GCSAML: variants seen among roughly 807,000 people sequenced by gnomAD.
The protein encoded by GCSAML is germinal center-associated signaling and motility-like protein.
Under a neutral mutation model 13.0 loss-of-function variants are expected in GCSAML, and 9 were observed. The observed-to-expected ratio is 0.69, with a 90% confidence interval of 0.42 to 1.21. GCSAML has a LOEUF of 1.21. Among genes scored for constraint, GCSAML ranks in the 50% most tolerant of loss-of-function variants. The probability of loss-of-function intolerance (pLI) is 0.00; values close to 1 mark genes in which losing one functional copy is unlikely to be tolerated. For synonymous variants in GCSAML, 37 were observed against 52.9 expected (o/e 0.70, Z 1.31); for missense variants, 143 against 153.4 (o/e 0.93, Z 0.36).
Position 247,555,127 on chromosome 1 carries a change from A to G in GCSAML, c.30-1280A>G, listed in dbSNP as rs76775180. 1.3e-3 allele frequency among the ~76,000 whole-genome samples: 188 copies of G among 149,760 alleles called. 3 individuals are homozygous for G. The East Asian group carries it at 0.025, about 20-fold the overall frequency. On this transcript the variant is annotated intron_variant, in intron 1 of 4. Coordinates refer to ENST00000366488, the MANE Select transcript of GCSAML (RefSeq NM_145278.5). ...GTAATATTAATGGTGTGGAATTCCAATTAGGTCCCTACTGATGTTAAATAC... is the reference window on the plus strand; with the variant it reads ...GTAATATTAATGGTGTGGAATTCCAGTTAGGTCCCTACTGATGTTAAATAC...
At chr1:247,510,087 C>A (rs1247881668) in intron 1 of GCSAML, among the ~76,000 whole-genome samples, 1 of 151,834 alleles carries the variant, frequency 6.6e-6, no homozygotes, top group Non-Finnish European at 1.5e-5. Context: ...GCAGCAGCTC[C>A]TCCTTGTACC....
chr1:247,563,702 C>A, intron 3 of GCSAML, 63 bp downstream of exon 3: 1 of 903,094 alleles, frequency 1.1e-6, no homozygotes, highest in Non-Finnish European at 1.8e-6. Context: ...ATCCAATTAG[C>A]AGACACTCTT....
intron 1 of GCSAML, among the ~76,000 whole-genome samples, chr1:247,552,840 C>CT (rs1401845330): frequency 4.3e-4 from 58 of 136,222 alleles, no homozygotes; most frequent in African/African-American, 1.9e-3. Context: ...ACTGCAACCT[C>CT]CACCTTCCAG....
chr1:247,565,849 A>G, intron 3 of GCSAML, 82 bp from the exon 4 acceptor site: 1 of 1,123,320 alleles, frequency 8.9e-7, no homozygotes, highest in Non-Finnish European at 1.3e-6. Context: ...TGTTTTTTTC[A>G]CCTTTTCCTT....
rs568852733 is a variant in GCSAML at position 247,531,590 on chromosome 1, C to G, written c.-148+4536C>G. The G allele has an allele frequency of 1.6e-5, 26 of 1,614,184 alleles. No individual in the cohort carries two copies. The South Asian group carries it at 2.7e-4, about 17-fold the overall frequency. ...TTGCCTGCAGAGCCACAGCAGTTCT[C>G]TAATACCATGTGCCGGAGGGCGCTC... On this transcript the variant is annotated intron_variant, in intron 2 of 5. Transcript: ENST00000366489.
chr1:247,545,585 G>A (rs1441727427), upstream of GCSAML, among the ~76,000 whole-genome samples: 1 of 152,200 alleles, frequency 6.6e-6, no homozygotes, highest in African/African-American at 2.4e-5. Context: ...TAACAGGTAT[G>A]AGAGCCCTCA....
chr1:247,542,130 G>A (rs1177202286), intron 2 of GCSAML, among the ~76,000 whole-genome samples: 3 of 152,092 alleles, frequency 2.0e-5, no homozygotes, highest in Non-Finnish European at 2.9e-5. Flanking sequence ...TGCAAGCCAA[G>A]CTGGGCATTG....
At chr1:247,545,379 C>T (rs1402964379), upstream of GCSAML, among the ~76,000 whole-genome samples, 1 of 152,088 alleles carries the variant, frequency 6.6e-6, no homozygotes, top group Non-Finnish European at 1.5e-5. Context: ...CTAGTATTAA[C>T]AATTATAAGC....
chr1:247,515,953 C>G (rs1405614745), intron 1 of GCSAML, among the ~76,000 whole-genome samples: 1 of 152,128 alleles, frequency 6.6e-6, no homozygotes, highest in Non-Finnish European at 1.5e-5. Flanking sequence ...GCTGATAAGA[C>G]TCTTATCTGT....
intron 4 of GCSAML, among the ~76,000 whole-genome samples, chr1:247,572,690 CACTTGAGGAGGCCATCTTTCCCT>C (rs767237601): frequency 6.6e-6 from 1 of 152,222 alleles, no homozygotes; most frequent in Non-Finnish European, 1.5e-5. Context: ...GTCAGCGACC[CACTTGAGGAGGCCATCTTTCCCT>C]TAGCAGTGCT....
intron 1 of GCSAML, among the ~76,000 whole-genome samples, chr1:247,514,602 G>C (rs1224515787): frequency 6.6e-6 from 1 of 152,166 alleles, no homozygotes; most frequent in Non-Finnish European, 1.5e-5. Flanking sequence ...TATGGCTTCA[G>C]GTCTTAGATT....
chr1:247,574,508 CTTA>C lies in GCSAML; in HGVS notation c.*131_*133del, dbSNP rs1186732130. 1.9e-6 allele frequency: 2 copies of C among 1,059,652 alleles called. No homozygotes were observed. Among genetic ancestry groups the C allele is most frequent in the Non-Finnish European group, 2.7e-6 (2 of 738,094 alleles). 65.6% of individuals were successfully genotyped at this position (1,059,652 alleles called of 1,614,324 possible). On this transcript the variant is annotated 3_prime_UTR_variant, in exon 5 of 5. Coordinates refer to ENST00000366488, the MANE Select transcript of GCSAML (RefSeq NM_145278.5). ...TCTGGCTAAAGTTTAGAAATATTAT[CTTA>C]TTATATATCCTTAGGCAACTCTGAT... is the stretch of plus-strand genomic sequence containing the variant.
rs535262292 is a variant in GCSAML at position 247,576,115 on chromosome 1, T to G, written c.*1733T>G. The G allele has an allele frequency of 5.1e-4, 77 of 152,326 alleles. No individual in the cohort carries two copies. The highest frequency in any genetic ancestry group is 1.8e-3 in the African/African-American group (75 of 41,578). The allele number at this position is 152,326 out of a possible 1,614,324, so 9.4% of individuals were successfully genotyped here. A position where few individuals can be genotyped will look rare whatever the true frequency, so the allele number is the denominator to read the frequency against. On this transcript the variant is annotated 3_prime_UTR_variant, in exon 5 of 5. Transcript: ENST00000366488. ...TCTAATCATAAAATTCACTTATGTTTGATATACACCTTATCTGAATAGCCT... is the reference window on the plus strand; with the variant it reads ...TCTAATCATAAAATTCACTTATGTTGGATATACACCTTATCTGAATAGCCT...
At chr1:247,555,769 A>G (rs140801678) in intron 1 of GCSAML, among the ~76,000 whole-genome samples, 1 of 152,354 alleles carries the variant, frequency 6.6e-6, no homozygotes, top group African/African-American at 2.4e-5. Flanking sequence ...CCAAGTCACA[A>G]ACATAAGCTG....
chr1:247,573,032 G>A (rs1031963568), intron 4 of GCSAML, among the ~76,000 whole-genome samples: 7 of 152,166 alleles, frequency 4.6e-5, no homozygotes, highest in East Asian at 1.9e-4. Flanking sequence ...CACCAAGCTC[G>A]AATGTCCCAG....
chr1:247,531,442 G>T, intron 2 of GCSAML: 1 of 1,105,684 alleles, frequency 9.0e-7, no homozygotes. Context: ...CATCTACCTT[G>T]AGCTCAAACA....
upstream of GCSAML, among the ~76,000 whole-genome samples, chr1:247,548,565 C>A (rs1301478850): frequency 6.6e-6 from 1 of 152,036 alleles, no homozygotes; most frequent in Non-Finnish European, 1.5e-5. This position sits in a 1 kb window ranked among gnomAD's most constrained non-coding sequence, Gnocchi z 5.3. Context: ...GACATTTGAT[C>A]TGATTATCGT....
At chr1:247,562,723 TG>T (rs1558257861) in intron 2 of GCSAML, among the ~76,000 whole-genome samples, 2 of 152,314 alleles carry the variant, frequency 1.3e-5, no homozygotes. Flanking sequence ...GGTGATATGC[TG>T]GCAACCCCAT....
rs201468915 is a variant in GCSAML, at chr1:247,531,650, G to A, written c.-148+4596G>A. The A allele has an allele frequency of 7.4e-6, 12 of 1,614,136 alleles. No individual in the cohort carries two copies. The Admixed American group carries it at 1.0e-4, about 13-fold the overall frequency. On this transcript the variant is annotated intron_variant, in intron 2 of 5. Transcript: ENST00000366489. ...GTGTTCCTCAGGGTGTAAATAAGTG[G>A]GTTCAGCGCAGGAGTGACTACGGTG...
Sources: allele counts gnomAD v4.1 joint callset (sites outside exome capture counted in the v4.1 genomes callset), GRCh38; gene constraint gnomAD v4.1.1; non-coding constraint Gnocchi (gnomAD v3.1); transcripts MANE v1.5; gene names NCBI Gene and HGNC (gene_info 2026-07-23, HGNC 2026-07-21).